Variants in SEC11A observed in about 807,000 individuals in gnomAD.
SEC11A encodes signal peptidase complex catalytic subunit SEC11A.
In SEC11A, 14 loss-of-function variants were observed where a neutral mutation model predicts 25.6. That is an observed-to-expected ratio of 0.55 (90% CI 0.36 to 0.85). SEC11A has a LOEUF of 0.85. SEC11A is among the 40% of genes least tolerant of loss of function. SEC11A has a pLI of 0.01. For synonymous variants in SEC11A, 83 were observed against 76.4 expected (o/e 1.09, Z -0.45); for missense variants, 153 against 222.9 (o/e 0.69, Z 2.00).
intron 1 of SEC11A, among the ~76,000 whole-genome samples, chr15:84,704,754 G>C (rs960971634): frequency 2.6e-5 from 4 of 152,142 alleles, no homozygotes; most frequent in African/African-American, 9.7e-5. Context: ...AAATGGTATT[G>C]CCATGATAGG....
intron 1 of SEC11A, among the ~76,000 whole-genome samples, chr15:84,697,863 T>C (rs946199221): frequency 6.6e-6 from 1 of 152,184 alleles, no homozygotes; most frequent in African/African-American, 2.4e-5. Context: ...AACCACAGAA[T>C]TGAATAGCCT....
chr15:84,675,024 A>G (rs1472322278), intron 4 of SEC11A, among the ~76,000 whole-genome samples: 2 of 152,226 alleles, frequency 1.3e-5, no homozygotes, highest in African/African-American at 4.8e-5. Flanking sequence ...GTTACCCTCC[A>G]TGGACAGAGA....
chr15:84,670,346 C>T (rs551516470), intron 5 of SEC11A: 11 of 296,026 alleles, frequency 3.7e-5, no homozygotes, highest in Admixed American at 4.9e-5. Flanking sequence ...AAGCAATTCT[C>T]GTGCCTCAGC....
intron 3 of SEC11A, among the ~76,000 whole-genome samples, chr15:84,683,467 G>A (rs1462730865): frequency 6.6e-6 from 1 of 152,058 alleles, no homozygotes; most frequent in Non-Finnish European, 1.5e-5. Flanking sequence ...GTAATCAGGA[G>A]TTATCACTAT....
intron 1 of SEC11A, among the ~76,000 whole-genome samples, chr15:84,705,215 G>A (rs1898060416): frequency 6.6e-6 from 1 of 152,196 alleles, no homozygotes; most frequent in African/African-American, 2.4e-5. Flanking sequence ...CTGAGCCACT[G>A]AGCCCAGCCA....
chr15:84,679,606 T>A (rs1241235295), intron 4 of SEC11A, among the ~76,000 whole-genome samples: 1 of 152,248 alleles, frequency 6.6e-6, no homozygotes, highest in Non-Finnish European at 1.5e-5. Flanking sequence ...AAGTGCCATG[T>A]GGCATCTAAC....
chr15:84,685,494 G>C (rs1418373152), intron 3 of SEC11A, among the ~76,000 whole-genome samples: 3 of 150,424 alleles, frequency 2.0e-5, no homozygotes, highest in Non-Finnish European at 4.4e-5. Context: ...GGCTGGTCTA[G>C]AGCTCCTGCG....
intron 3 of SEC11A, among the ~76,000 whole-genome samples, chr15:84,685,424 ATTTT>A (rs35058951): frequency 1.5e-5 from 2 of 133,594 alleles, no homozygotes; most frequent in Admixed American, 7.6e-5. Context: ...TGCCTGACTC[ATTTT>A]TTTTTTTTTT....
chr15:84,671,945 G>C (rs1159408481), intron 4 of SEC11A: 1 of 152,244 alleles, frequency 6.6e-6, no homozygotes, highest in Non-Finnish European at 1.5e-5. Context: ...TAGGTGGTTA[G>C]CAAATGTAAA....
chr15:84,677,716 G>A (rs1239015520), intron 4 of SEC11A, among the ~76,000 whole-genome samples: 1 of 151,920 alleles, frequency 6.6e-6, no homozygotes, highest in African/African-American at 2.4e-5. Context: ...CTTGTGATCC[G>A]CCCGCCTCAG....
chr15:84,683,421 A>AAACT lies in SEC11A; in HGVS notation c.312-2593_312-2590dup, dbSNP rs566229957. On this transcript the variant is annotated intron_variant, in intron 3 of 5. Transcript: ENST00000268220. ...CAAACAAACAAACAAACAAACAAAC[A>AAACT]AACTAACTAACACACCCAATTTCCC... is the stretch of plus-strand genomic sequence containing the variant. Among the ~76,000 whole-genome samples the AAACT allele has an allele frequency of 3.0e-3, 421 of 139,724 alleles. 16 individuals are homozygous for AAACT. The highest frequency in any genetic ancestry group is 5.0e-3 in the African/African-American group (179 of 35,842). 91.7% of individuals were successfully genotyped at this position (139,724 alleles called of 152,430 possible).
rs74717574 is a variant in SEC11A at position 84,706,380 on chromosome 15, G to C, written c.51+9645C>G. ...GGTGATTGATCCTGACCATCAGAGA[G>C]AAATAGGGTTGCTACTACACCATGA... On this transcript the variant is annotated intron_variant, in intron 1 of 5. Transcript: ENST00000268220. 2.2e-3 allele frequency among the ~76,000 whole-genome samples: 337 copies of C among 152,246 alleles called. 3 individuals carry two copies. The highest frequency in any genetic ancestry group is 7.9e-3 in the African/African-American group (328 of 41,560).
At chr15:84,686,631 C>T (rs1002978246) in intron 3 of SEC11A, 3 of 152,034 alleles carry the variant, frequency 2.0e-5, no homozygotes, top group Admixed American at 6.6e-5. Flanking sequence ...AAAAAAGAAC[C>T]GAAATCATGC....
chr15:84,699,319 A>G (rs1190138710), intron 1 of SEC11A, among the ~76,000 whole-genome samples: 1 of 149,504 alleles, frequency 6.7e-6, no homozygotes, highest in African/African-American at 2.4e-5. Flanking sequence ...TTGTCTCCAA[A>G]AAAAAAAAAA....
At chr15:84,691,073 C>CTTT (rs199982469) in intron 2 of SEC11A, among the ~76,000 whole-genome samples, 30 of 132,958 alleles carry the variant, frequency 2.3e-4, no homozygotes, top group East Asian at 6.6e-4. Flanking sequence ...TCTTTTCTCT[C>CTTT]TTTTTTTTTT....
chr15:84,682,577 T>A (rs113765785), intron 3 of SEC11A, among the ~76,000 whole-genome samples: 1,828 of 152,134 alleles, frequency 0.012, 34 homozygotes, highest in African/African-American at 0.041. Flanking sequence ...GCCTCCCAAG[T>A]AGCTAGGATT....
At chr15:84,674,555 TA>T (rs527814875) in intron 4 of SEC11A, among the ~76,000 whole-genome samples, 9,367 of 149,996 alleles carry the variant, frequency 0.062, 371 homozygotes, top group African/African-American at 0.087. Context: ...CCATGGAATT[TA>T]AAAAAAAAAA....
At chr15:84,709,653 G>A (rs943991916) in intron 1 of SEC11A, among the ~76,000 whole-genome samples, 5 of 152,038 alleles carry the variant, frequency 3.3e-5, no homozygotes, top group Admixed American at 6.6e-5. Flanking sequence ...ACGTTGGCCA[G>A]GCTGGTTTCG....
At chr15:84,703,432 CTCTCTCA>C (rs1381400578) in intron 1 of SEC11A, among the ~76,000 whole-genome samples, 1 of 152,208 alleles carries the variant, frequency 6.6e-6, no homozygotes, top group Non-Finnish European at 1.5e-5. Flanking sequence ...ACCCTGCTTC[CTCTCTCA>C]TCTTGCATTT....
Sources: gnomAD v4.1 joint callset for allele counts (sites outside exome capture counted in the v4.1 genomes callset) on GRCh38, gnomAD v4.1.1 for gene constraint, MANE v1.5 for transcripts, NCBI Gene and HGNC (gene_info 2026-07-23, HGNC 2026-07-21) for gene names.